FARP2: variants seen among roughly 807,000 people sequenced by gnomAD.
FARP2 encodes FERM, ARH/RhoGEF and pleckstrin domain protein 2.
FARP2 carries 111 observed loss-of-function variants against 130.5 expected under a neutral mutation model. The ratio of observed to expected loss-of-function variants is 0.85; its 90% CI spans 0.73 to 1.00. FARP2 has a LOEUF of 1.00. Ranked by LOEUF, FARP2 falls within the 50% of genes least tolerant of loss-of-function variation. The pLI, the probability that FARP2 is intolerant of heterozygous loss-of-function variation, is 0.00. For synonymous variants in FARP2, 504 were observed against 516.9 expected (o/e 0.98, Z 0.34); for missense variants, 1,385 against 1,346.3 (o/e 1.03, Z -0.45).
Position 241,435,452 on chromosome 2 carries a change from A to G in FARP2, c.1100+422A>G, listed in dbSNP as rs116157920. ...CTTGACTGAAAGTCACTTCAAATAC[A>G]TGAATGTGTATTTTTACAGGAGTTC... On this transcript the variant is annotated intron_variant, in intron 11 of 26. Transcript: ENST00000264042. Among the ~76,000 whole-genome samples, 587 of 151,312 alleles carry G rather than the reference A, an allele frequency of 3.9e-3. 3 individuals are homozygous for G. The highest frequency in any genetic ancestry group is 0.013 in the African/African-American group (550 of 41,272).
intron 6 of FARP2, among the ~76,000 whole-genome samples, chr2:241,412,367 C>G (rs912136172): frequency 7.9e-5 from 12 of 152,086 alleles, no homozygotes; most frequent in African/African-American, 2.9e-4. Flanking sequence ...TGGGTGGGAA[C>G]ACAGCCAAAC....
chr2:241,365,580 C>A (rs1273357993), intron 1 of FARP2, among the ~76,000 whole-genome samples: 7 of 152,170 alleles, frequency 4.6e-5, no homozygotes, highest in Non-Finnish European at 7.3e-5. Context: ...TTTATTTACA[C>A]ACATACACAC....
chr2:241,396,029 G>C (rs561890877), intron 2 of FARP2: 4 of 152,254 alleles, frequency 2.6e-5, no homozygotes, highest in Non-Finnish European at 5.9e-5. Context: ...TTAAACTAGA[G>C]TGATGATACA....
intron 2 of FARP2, among the ~76,000 whole-genome samples, chr2:241,381,610 C>A (rs1245060676): frequency 6.6e-6 from 1 of 152,086 alleles, no homozygotes; most frequent in Non-Finnish European, 1.5e-5. Context: ...TCAGTCATAT[C>A]GGCCTCACGT....
intron 1 of FARP2, among the ~76,000 whole-genome samples, chr2:241,366,120 T>TATATATACACAC (rs1238134390): frequency 4.5e-5 from 2 of 44,342 alleles, no homozygotes; most frequent in Non-Finnish European, 4.4e-5. Context: ...TATATATATA[T>TATATATACACAC]ACGTATATAT....
At position 241,479,360 on chromosome 2, in the gene FARP2, C is replaced by T. The variant is rs138406003; in HGVS notation, c.2262+3373C>T. 1.3e-4 allele frequency among the ~76,000 whole-genome samples: 20 copies of T among 152,350 alleles called. No homozygotes were observed. In the East Asian group the frequency reaches 2.7e-3, roughly 21 times the overall value. ...GCGCTTCACTGGCAGGAAGCGGCCA[C>T]GGCCTCATCGGCATCCAGCACGCCG... On this transcript the variant is annotated intron_variant, in intron 19 of 26. Transcript: ENST00000264042.
intron 18 of FARP2, among the ~76,000 whole-genome samples, chr2:241,474,287 G>A (rs1370344184): frequency 7.9e-6 from 1 of 126,680 alleles, no homozygotes; most frequent in Non-Finnish European, 1.6e-5. Flanking sequence ...CTCCAGCCTG[G>A]GCGACAGAGC....
At chr2:241,390,335 T>G (rs1315069794) in intron 2 of FARP2, among the ~76,000 whole-genome samples, 3 of 152,226 alleles carry the variant, frequency 2.0e-5, no homozygotes, top group Non-Finnish European at 4.4e-5. Flanking sequence ...ACTGCCGTCT[T>G]CAGGACAGGA....
At chr2:241,451,214 T>G (rs1414303084) in intron 13 of FARP2, among the ~76,000 whole-genome samples, 1 of 152,100 alleles carries the variant, frequency 6.6e-6, no homozygotes. Flanking sequence ...GCTCAAGTAA[T>G]CCACCCACTT....
At chr2:241,416,111 G>A (rs979955771) in intron 7 of FARP2, among the ~76,000 whole-genome samples, 77 of 140,550 alleles carry the variant, frequency 5.5e-4, no homozygotes, top group Non-Finnish European at 1.0e-3. Context: ...CATGCATTGT[G>A]TGTGTTTCTG....
chr2:241,442,767 C>T (rs1319796452), intron 13 of FARP2: 14 of 301,368 alleles, frequency 4.6e-5, no homozygotes, highest in Non-Finnish European at 6.5e-6. Flanking sequence ...AGCCAGTCCT[C>T]CTAGAGGACC....
chr2:241,457,043 G>A, intron 14 of FARP2, 121 bp downstream of exon 14: 1 of 873,556 alleles, frequency 1.1e-6, no homozygotes, highest in Non-Finnish European at 1.7e-6. Flanking sequence ...TGCACTCACA[G>A]CCGCCTTACC....
chr2:241,453,768 G>GTTTTTTTTTTTTT lies in FARP2; in HGVS notation c.1412-2979_1412-2978insTTTTTTTTTTTTT, dbSNP rs1559786201. ...TTGTTTACTGGGAGTGGCACTTACT[G>GTTTTTTTTTTTTT]GTTTTTTTTTTTTTTTTTTTTTTTT... On this transcript the variant is annotated intron_variant, in intron 13 of 26. Coordinates refer to ENST00000264042, the MANE Select transcript of FARP2 (RefSeq NM_014808.4). 8.0e-5 allele frequency among the ~76,000 whole-genome samples: 8 copies of GTTTTTTTTTTTTT among 99,896 alleles called. 4 individuals are homozygous for GTTTTTTTTTTTTT. Among genetic ancestry groups the GTTTTTTTTTTTTT allele is most frequent in the African/African-American group, 1.6e-4 (4 of 25,058 alleles). 65.5% of individuals were successfully genotyped at this position (99,896 alleles called of 152,430 possible). A position where few individuals can be genotyped will look rare whatever the true frequency, so the allele number is the denominator to read the frequency against.
chr2:241,368,913 A>C (rs938396357), intron 1 of FARP2, among the ~76,000 whole-genome samples: 1 of 152,172 alleles, frequency 6.6e-6, no homozygotes, highest in Non-Finnish European at 1.5e-5. Context: ...TTAAACGGAT[A>C]GTTTATGCCA....
In FARP2 at chr2:241,441,320, A is replaced by G. The variant is rs746551418; in HGVS notation, c.1175A>G (p.Glu392Gly). Reference protein sequence around the residue: ...DLPKQSISFPEGLRTPASPSS... With the variant: ...DLPKQSISFPGGLRTPASPSS... ...GGTTCCCAGAGCATCTCATTCCCCG[A>G]GGGATTGAGGACTCCTGCCTCCCCA... The change falls in exon 13 of 27, where the codon GAG (glutamate) becomes GGG (glycine). Residue 392 changes from glutamate to glycine, a missense_variant. Transcript: ENST00000264042. 1 of 1,596,040 alleles carries G rather than the reference A, an allele frequency of 6.3e-7. No homozygotes were observed. Among genetic ancestry groups the G allele is most frequent in the Admixed American group, 1.7e-5 (1 of 58,000 alleles).
At chr2:241,412,937 C>A (rs139522453) in intron 6 of FARP2, among the ~76,000 whole-genome samples, 84 of 152,174 alleles carry the variant, frequency 5.5e-4, no homozygotes, top group Non-Finnish European at 1.0e-3. Context: ...CTGAGGCGGG[C>A]AGATTGCTTG....
Position 241,434,973 on chromosome 2 carries a change from A to G in FARP2, c.1043A>G (p.Gln348Arg). The change falls in exon 11 of 27, where the codon CAG becomes CGG. Residue 348 changes from glutamine to arginine, a missense_variant. Transcript: ENST00000264042. ...ATCTTTATTCACAGTGGAAGAACTC[A>G]GAAACAACTAGTAGATTATTTCAAA... ...GSSFRYSGRT[Q>R]KQLVDYFKDS... 6.3e-7 allele frequency: 1 copy of G among 1,581,884 alleles called. No individual in the cohort carries two copies. Among genetic ancestry groups the G allele is most frequent in the Non-Finnish European group, 8.7e-7 (1 of 1,154,146 alleles).
chr2:241,473,391 G>A (rs2064369272), intron 18 of FARP2, among the ~76,000 whole-genome samples: 1 of 151,828 alleles, frequency 6.6e-6, no homozygotes, highest in Admixed American at 6.6e-5. Flanking sequence ...TGTTCTGAGA[G>A]GGACCCTTTT....
At chr2:241,493,476 G>C (rs781073216) in intron 26 of FARP2, 32 bp downstream of exon 26, 46 of 1,608,074 alleles carry the variant, frequency 2.9e-5, no homozygotes, top group Non-Finnish European at 3.8e-5. Context: ...CTGGTCAGCT[G>C]CCCATTTCGA....
Sources: allele counts gnomAD v4.1 joint callset (sites outside exome capture counted in the v4.1 genomes callset), GRCh38; gene constraint gnomAD v4.1.1; transcripts MANE v1.5; gene names NCBI Gene and HGNC (gene_info 2026-07-23, HGNC 2026-07-21).